The following IL12RB1 variants were observed in gnomAD, a reference collection of about 807,000 sequenced individuals.
The protein encoded by IL12RB1 is interleukin-12 receptor subunit beta-1.
Under a neutral mutation model 94.4 loss-of-function variants are expected in IL12RB1, and 64 were observed. The observed-to-expected ratio is 0.68, with a 90% confidence interval of 0.55 to 0.83. The LOEUF (loss-of-function observed/expected upper bound fraction) is 0.83. IL12RB1 is among the 40% of genes least tolerant of loss of function. The pLI is 0.00. For missense variants in IL12RB1, 814 were observed against 855.6 expected (o/e 0.95, Z 0.61); for synonymous variants, 362 against 355.5 (o/e 1.02, Z -0.21).
At chr19:18,096,463 AG>A (rs2036937549) in intron 1 of IL12RB1, among the ~76,000 whole-genome samples, 1 of 152,132 alleles carries the variant, frequency 6.6e-6, no homozygotes. Context: ...TATTGGCACC[AG>A]GGCCAGGATT....
rs377690 is a variant in IL12RB1, at chr19:18,069,262, C to T, written c.1189+284G>A. Among the ~76,000 whole-genome samples, 939 of 152,304 alleles carry T rather than the reference C, an allele frequency of 6.2e-3. 11 individuals are homozygous for T. Among genetic ancestry groups the T allele is most frequent in the African/African-American group, 0.021 (872 of 41,572 alleles). On this transcript the variant is annotated intron_variant, in intron 10 of 16. Transcript: ENST00000593993. The stretch of plus-strand genomic sequence containing the variant: ...TCGCGAACTGCCACCTTCCCTGGCG[C>T]GGTTGAATATTTAACAAACACCTTG...
chr19:18,087,185 C>T (rs1204945690), upstream of IL12RB1, among the ~76,000 whole-genome samples: 2 of 151,016 alleles, frequency 1.3e-5, no homozygotes, highest in Non-Finnish European at 2.9e-5. Context: ...ATGCACTTGG[C>T]CAGGTCTCTG....
chr19:18,090,335 A>C (rs186369023), upstream of IL12RB1, among the ~76,000 whole-genome samples: 3 of 152,122 alleles, frequency 2.0e-5, no homozygotes, highest in Non-Finnish European at 4.4e-5. Context: ...ACAGAGCAAG[A>C]CCCTGCTCAA....
rs145169759 is a variant in IL12RB1 at position 18,095,823 on chromosome 19, A to AG, written c.-230+2931dup. Among the ~76,000 whole-genome samples the AG allele has an allele frequency of 7.3e-3, 1,109 of 152,168 alleles. 16 individuals carry two copies. Among genetic ancestry groups the AG allele is most frequent in the African/African-American group, 0.025 (1,053 of 41,508 alleles). ...ACAGTCAGGCCCAGTGACCCTTCCTAGGGTCCCCTCGAGCCTGAAAGCATA... is the reference window on the plus strand; with the variant it reads ...ACAGTCAGGCCCAGTGACCCTTCCTAGGGGTCCCCTCGAGCCTGAAAGCATA... On this transcript the variant is annotated intron_variant, in intron 1 of 4. Coordinates refer to the IL12RB1 transcript ENST00000594176.
At chr19:18,093,198 G>A (rs547109383) in intron 1 of IL12RB1, among the ~76,000 whole-genome samples, 20 of 151,904 alleles carry the variant, frequency 1.3e-4, no homozygotes, top group African/African-American at 3.9e-4. Flanking sequence ...CCAGCTACTC[G>A]GGAGGCTGAG....
At position 18,072,203 on chromosome 19, in the gene IL12RB1, C is replaced by T. The variant is rs144647048; in HGVS notation, c.930G>A (p.Ser310=). ...TGACAGCCACGTTGTAGGCAGCACC[C>T]GAGAGATAGGGCATCTTCCCCAGGT... ...TLHLGKMPYL[S]GAAYNVAVIS... The change falls in exon 9 of 17, where the codon TCG becomes TCA. Residue 310 remains serine, a synonymous_variant. Coordinates refer to ENST00000593993, the MANE Select transcript of IL12RB1 (RefSeq NM_005535.3). The T allele has an allele frequency of 2.9e-4, 461 of 1,613,984 alleles. 2 individuals are homozygous for T. The highest frequency in any genetic ancestry group is 3.1e-4 in the Non-Finnish European group (363 of 1,180,000).
At chr19:18,075,967 A>G in intron 6 of IL12RB1, 99 bp from the exon 7 acceptor site, 2 of 1,205,518 alleles carry the variant, frequency 1.7e-6, no homozygotes, top group South Asian at 1.2e-5. Context: ...AACTGTGTAC[A>G]GAGCCACGTG....
At position 18,072,133 on chromosome 19, in the gene IL12RB1, T is replaced by C; in HGVS notation, c.1000A>G (p.Ile334Val). The C allele has an allele frequency of 1.2e-6, 2 of 1,613,662 alleles. No homozygotes were observed. Among genetic ancestry groups the C allele is most frequent in the Non-Finnish European group, 1.7e-6 (2 of 1,179,570 alleles). The change falls in exon 9 of 17, where the codon ATT (isoleucine) becomes GTT (valine). Residue 334 changes from isoleucine (I) to valine (V), a missense_variant. Transcript: ENST00000593993. ...GCACCTGTGTGGGTGTCGGCAGGAATGTGCCACGTCTGGTTCAGGCCAGGA... is the reference window on the plus strand; with the variant it reads ...GCACCTGTGTGGGTGTCGGCAGGAACGTGCCACGTCTGGTTCAGGCCAGGA... ...FGPGLNQTWHIPADTHTEPVA... is the reference protein window; with the variant it reads ...FGPGLNQTWHVPADTHTEPVA...
At chr19:18,063,591 G>A (rs138157982) in intron 13 of IL12RB1, among the ~76,000 whole-genome samples, 111 of 152,268 alleles carry the variant, frequency 7.3e-4, no homozygotes, top group African/African-American at 2.6e-3. Context: ...TGCTGGAGGA[G>A]GGAACTTTTG....
At chr19:18,082,712 C>G (rs1475683722) in intron 2 of IL12RB1, among the ~76,000 whole-genome samples, 1 of 152,178 alleles carries the variant, frequency 6.6e-6, no homozygotes, top group Non-Finnish European at 1.5e-5. Context: ...AAATCGTTAT[C>G]AAACAAAAGA....
intron 12 of IL12RB1, among the ~76,000 whole-genome samples, chr19:18,064,375 G>C (rs534593778): frequency 6.1e-4 from 92 of 151,650 alleles, no homozygotes; most frequent in African/African-American, 1.9e-3. Flanking sequence ...TCCTGACCTC[G>C]TGATCTGCCC....
Position 18,075,736 on chromosome 19 carries a change from A to G in IL12RB1, c.700+13T>C. The G allele has an allele frequency of 6.2e-7, 1 of 1,610,258 alleles. No individual in the cohort carries two copies. Among genetic ancestry groups the G allele is most frequent in the Non-Finnish European group, 8.5e-7 (1 of 1,176,650 alleles). On this transcript the variant is annotated intron_variant, in intron 7 of 16. Coordinates refer to ENST00000593993, the MANE Select transcript of IL12RB1 (RefSeq NM_005535.3). Reference sequence around the variant, plus strand: ...AATGCTTGCCCCTGTTCCTGTACTCAGAGTGATCTTACCAGGGGGAACGCA... The same window carrying G: ...AATGCTTGCCCCTGTTCCTGTACTCGGAGTGATCTTACCAGGGGGAACGCA...
chr19:18,072,025 T>C (rs1254194687), intron 9 of IL12RB1, 87 bp downstream of exon 9: 2 of 946,380 alleles, frequency 2.1e-6, no homozygotes, highest in Middle Eastern at 2.6e-4. Flanking sequence ...TCTGCCTCGC[T>C]CCTCTCACCC....
chr19:18,098,903 T>G (rs1247209180), exon 1 of IL12RB1: 2 of 410,294 alleles, frequency 4.9e-6, no homozygotes, highest in Non-Finnish European at 9.9e-6. Flanking sequence ...GAGTGATCAG[T>G]TGTGATAAGG....
intron 1 of IL12RB1, among the ~76,000 whole-genome samples, chr19:18,092,199 T>TTC: frequency 1.3e-5 from 2 of 151,202 alleles, no homozygotes; most frequent in African/African-American, 2.4e-5. Flanking sequence ...TTTTTTTTTT[T>TTC]TTCAGTTTTT....
intron 15 of IL12RB1, among the ~76,000 whole-genome samples, chr19:18,060,858 G>A (rs1341544914): frequency 6.6e-6 from 1 of 152,064 alleles, no homozygotes; most frequent in Non-Finnish European, 1.5e-5. Flanking sequence ...GACCCCAATC[G>A]CTGGATTCAG....
At position 18,082,213 on chromosome 19, in the gene IL12RB1, C is replaced by T. The variant is rs142273743; in HGVS notation, c.176G>A (p.Arg59His). 131 of 1,613,768 alleles carry T rather than the reference C, an allele frequency of 8.1e-5. No homozygotes were observed. The highest frequency in any genetic ancestry group is 3.3e-4 in the Middle Eastern group (2 of 6,084). The part of the protein sequence containing the change: ...DLRCYRISSD[R>H]YECSWQYEGP... The stretch of plus-strand genomic sequence containing the variant: ...CTCATACTGCCAGGAGCACTCGTAA[C>T]GATCACTGGATATCCGATAGCATCT... The change falls in exon 3 of 17, where the codon CGT becomes CAT. Residue 59 changes from arginine to histidine, a missense_variant. Physicochemically the swap from Arg to His is conservative, Grantham distance 29. Transcript: ENST00000593993.
chr19:18,064,085 G>GGCCTC, intron 12 of IL12RB1, 75 bp from the exon 13 acceptor site: 1 of 941,610 alleles, frequency 1.1e-6, no homozygotes, highest in Non-Finnish European at 1.7e-6. Context: ...ACCACAGCCT[G>GGCCTC]TGGGTGGGGT....
intron 4 of IL12RB1, among the ~76,000 whole-genome samples, chr19:18,080,310 C>G (rs1294244645): frequency 6.6e-6 from 1 of 152,132 alleles, no homozygotes; most frequent in Non-Finnish European, 1.5e-5. Flanking sequence ...TCAATCTCAG[C>G]TCACTGTAAC....
Sources: allele counts gnomAD v4.1 joint callset (sites outside exome capture counted in the v4.1 genomes callset), GRCh38; gene constraint gnomAD v4.1.1; transcripts MANE v1.5; gene names NCBI Gene and HGNC (gene_info 2026-07-23, HGNC 2026-07-21).